GNAO1: variants seen among roughly 807,000 people sequenced by gnomAD.
GNAO1 encodes guanine nucleotide-binding protein G(o) subunit alpha.
For missense variants in GNAO1, 166 were observed against 478.7 expected (o/e 0.35, Z 6.10); for synonymous variants, 164 against 180.7 (o/e 0.91, Z 0.74).
intron 2 of GNAO1, among the ~76,000 whole-genome samples, chr16:56,208,419 ATGTGTGTG>A (rs35244461): frequency 5.2e-4 from 77 of 148,940 alleles, no homozygotes; most frequent in African/African-American, 1.8e-3. Context: ...GCTGCTATCA[ATGTGTGTG>A]TGTGTGTGTG....
intron 6 of GNAO1, chr16:56,340,767 C>T (rs1308969156): frequency 4.1e-6 from 6 of 1,447,116 alleles, no homozygotes; most frequent in Non-Finnish European, 5.7e-6. Context: ...CCCGCTGTGT[C>T]ATTGGCCGCG....
At chr16:56,285,240 A>T (rs1301500073) in intron 3 of GNAO1, among the ~76,000 whole-genome samples, 2 of 151,842 alleles carry the variant, frequency 1.3e-5, no homozygotes, top group African/African-American at 4.8e-5. Context: ...TGTCTTTCAC[A>T]CTCCAACCCC....
chr16:56,338,995 A>C (rs12927669), intron 6 of GNAO1, among the ~76,000 whole-genome samples: 48,750 of 152,208 alleles, frequency 0.32, 8,680 homozygotes, highest in East Asian at 0.53. Context: ...GGTCACAGGC[A>C]GGCTCTTCCT....
chr16:56,266,163 CT>C (rs1256908581), intron 2 of GNAO1, among the ~76,000 whole-genome samples: 2 of 152,182 alleles, frequency 1.3e-5, no homozygotes, highest in African/African-American at 4.8e-5. Flanking sequence ...GCTGTGAGTC[CT>C]TTGAAGGCAG....
At chr16:56,227,860 T>C (rs942632255) in intron 2 of GNAO1, among the ~76,000 whole-genome samples, 1 of 152,170 alleles carries the variant, frequency 6.6e-6, no homozygotes. Context: ...TTTGGCCTTC[T>C]TGCTGGTGAT....
chr16:56,282,231 T>C (rs1476534981), intron 3 of GNAO1, among the ~76,000 whole-genome samples: 2 of 152,212 alleles, frequency 1.3e-5, no homozygotes, highest in African/African-American at 4.8e-5. Context: ...CTCAGCATTT[T>C]GGACTGTAAA....
chr16:56,345,152 G>A (rs531198280), intron 6 of GNAO1: 36 of 985,652 alleles, frequency 3.7e-5, no homozygotes, highest in East Asian at 1.1e-4. Flanking sequence ...AGCTTCTCCC[G>A]GTGACGGTGA....
intron 5 of GNAO1, among the ~76,000 whole-genome samples, chr16:56,335,138 C>T (rs1392535024): frequency 6.6e-6 from 1 of 152,130 alleles, no homozygotes; most frequent in South Asian, 2.1e-4. Context: ...AGGTGACTTC[C>T]AAGGAGGAGG....
At chr16:56,299,909 G>A (rs1185255438) in intron 3 of GNAO1, among the ~76,000 whole-genome samples, 2 of 152,122 alleles carry the variant, frequency 1.3e-5, no homozygotes, top group Non-Finnish European at 2.9e-5. Context: ...AAATGCTGTG[G>A]CTTAGAAACC....
intron 2 of GNAO1, among the ~76,000 whole-genome samples, chr16:56,210,769 G>T (rs372468868): frequency 6.6e-6 from 1 of 152,194 alleles, no homozygotes; most frequent in African/African-American, 2.4e-5. Flanking sequence ...TGGGTCATTT[G>T]TGTTCTTATT....
intron 3 of GNAO1, among the ~76,000 whole-genome samples, chr16:56,310,172 G>GA (rs1237001458): frequency 1.3e-5 from 2 of 151,606 alleles, no homozygotes; most frequent in Non-Finnish European, 1.5e-5. Flanking sequence ...AAAAAAAAAA[G>GA]AAAAAATCAG....
At chr16:56,266,403 T>C (rs2036954466) in intron 2 of GNAO1, among the ~76,000 whole-genome samples, 3 of 152,204 alleles carry the variant, frequency 2.0e-5, no homozygotes, top group Admixed American at 2.0e-4. Flanking sequence ...CTCTTGGAAT[T>C]CTGGGAAATC....
At chr16:56,265,391 C>T (rs561200746) in intron 2 of GNAO1, among the ~76,000 whole-genome samples, 2 of 152,332 alleles carry the variant, frequency 1.3e-5, no homozygotes, top group African/African-American at 4.8e-5. Context: ...CCATGCAGGT[C>T]GGGCTCACTG....
intron 6 of GNAO1, among the ~76,000 whole-genome samples, chr16:56,337,546 C>T (rs143871115): frequency 2.6e-5 from 4 of 152,350 alleles, no homozygotes; most frequent in Non-Finnish European, 5.9e-5. Flanking sequence ...GTGCAGCCTT[C>T]CTCTGGGTCT....
At chr16:56,306,141 T>G (rs1185086919) in intron 3 of GNAO1, among the ~76,000 whole-genome samples, 1 of 152,174 alleles carries the variant, frequency 6.6e-6, no homozygotes, top group Non-Finnish European at 1.5e-5. Context: ...TGCTCCCTCT[T>G]TGTTGAAAGG....
chr16:56,197,204 A>G (rs2036241047), intron 2 of GNAO1, among the ~76,000 whole-genome samples: 1 of 152,196 alleles, frequency 6.6e-6, no homozygotes, highest in Admixed American at 6.5e-5. Context: ...CATTTCCCAC[A>G]CTGGCCCCCA....
At chr16:56,299,818 CCTGGCTTATTACT>C (rs1256382334) in intron 3 of GNAO1, among the ~76,000 whole-genome samples, 2 of 152,188 alleles carry the variant, frequency 1.3e-5, no homozygotes, top group African/African-American at 4.8e-5. Context: ...AGCCACTCTG[CCTGGCTTATTACT>C]CTGCTGGGAG....
intron 3 of GNAO1, among the ~76,000 whole-genome samples, chr16:56,317,943 G>T (rs1327757564): frequency 6.6e-6 from 1 of 152,154 alleles, no homozygotes; most frequent in African/African-American, 2.4e-5. Flanking sequence ...GTAGGCGCAG[G>T]CCTTGCTCAG....
At chr16:56,325,203 G>A (rs760893742) in intron 3 of GNAO1, among the ~76,000 whole-genome samples, 3 of 152,232 alleles carry the variant, frequency 2.0e-5, no homozygotes, top group Non-Finnish European at 4.4e-5. Context: ...GCAGCTGGGC[G>A]CTGTGGCTCA....
Sources: gnomAD v4.1 joint callset for allele counts (sites outside exome capture counted in the v4.1 genomes callset) on GRCh38, gnomAD v4.1.1 for gene constraint, MANE v1.5 for transcripts, NCBI Gene and HGNC (gene_info 2026-07-23, HGNC 2026-07-21) for gene names.